STRN3: variants seen among roughly 807,000 people sequenced by gnomAD.
The protein encoded by STRN3 is striatin-3.
STRN3 carries 29 observed loss-of-function variants against 95.6 expected under a neutral mutation model. The observed-to-expected ratio is 0.30, with a 90% CI of 0.23 to 0.41. The LOEUF is 0.41. Ranked by LOEUF, STRN3 falls within the 10% of genes least tolerant of loss-of-function variation. STRN3 has a pLI of 1.00. For missense variants in STRN3, 890 were observed against 972.1 expected (o/e 0.92, Z 1.12); for synonymous variants, 331 against 357.6 (o/e 0.93, Z 0.84).
chr14:31,026,207 G>A lies in STRN3; in HGVS notation c.-22C>T, dbSNP rs187621345. On this transcript the variant is annotated 5_prime_UTR_variant, in exon 1 of 18. Coordinates refer to ENST00000357479, the MANE Select transcript of STRN3 (RefSeq NM_001083893.2). ...CCATTGTGTGTGGGGCCCCGGCCGG[G>A]GCGCAGGGCGAGACGCCGACAGCTG... is the stretch of plus-strand genomic sequence containing the variant. The A allele has an allele frequency of 7.2e-6, 10 of 1,394,594 alleles. No individual in the cohort carries two copies. The Admixed American group carries it at 3.6e-4, about 50-fold the overall frequency. The allele number at this position is 1,394,594 out of a possible 1,614,324, so 86.4% of individuals were successfully genotyped here. A position where few individuals can be genotyped will look rare whatever the true frequency, so the allele number is the denominator to read the frequency against.
chr14:30,995,986 C>A (rs565419020), intron 1 of STRN3, among the ~76,000 whole-genome samples: 1 of 152,296 alleles, frequency 6.6e-6, no homozygotes, highest in South Asian at 2.1e-4. Context: ...AGCCCTTACG[C>A]CCAACTTAGG....
chr14:30,972,100 A>G (rs1160333984), intron 1 of STRN3, among the ~76,000 whole-genome samples: 1 of 152,212 alleles, frequency 6.6e-6, no homozygotes, highest in African/African-American at 2.4e-5. Context: ...AGTATGTTCA[A>G]TTCTTTGCCT....
At chr14:31,004,178 G>A (rs559112567) in intron 1 of STRN3, among the ~76,000 whole-genome samples, 3 of 152,124 alleles carry the variant, frequency 2.0e-5, no homozygotes, top group South Asian at 2.1e-4. Context: ...CCAGCTACTC[G>A]GGAGGCTGAG....
chr14:30,938,267 A>T (rs1033614445), intron 5 of STRN3, among the ~76,000 whole-genome samples: 11 of 151,516 alleles, frequency 7.3e-5, no homozygotes, highest in Non-Finnish European at 1.5e-4. Flanking sequence ...TGAATGTAGG[A>T]GATGGTTTCT....
intron 8 of STRN3, among the ~76,000 whole-genome samples, chr14:30,921,069 T>C (rs71417931): frequency 0.024 from 2,926 of 119,842 alleles, 78 homozygotes; most frequent in South Asian, 0.089. Context: ...TACACATACA[T>C]ATACACACAC....
intron 2 of STRN3, 39 bp downstream of exon 2, chr14:30,956,097 ATTG>A (rs1879889801): frequency 6.5e-7 from 1 of 1,545,968 alleles, no homozygotes; most frequent in South Asian, 1.1e-5. Flanking sequence ...TGAGTATACT[ATTG>A]TTCTACTTTA....
intron 1 of STRN3, among the ~76,000 whole-genome samples, chr14:31,023,456 T>C (rs1210326462): frequency 6.6e-6 from 1 of 152,158 alleles, no homozygotes; most frequent in Non-Finnish European, 1.5e-5. Flanking sequence ...CCTTTTAATA[T>C]CTTTCCCAAA....
At chr14:30,915,975 T>C (rs1349370839) in intron 9 of STRN3, among the ~76,000 whole-genome samples, 1 of 152,214 alleles carries the variant, frequency 6.6e-6, no homozygotes, top group Non-Finnish European at 1.5e-5. Context: ...TTCTGTCCTT[T>C]TTCTCTATAT....
chr14:30,920,861 G>A (rs2139019493), intron 8 of STRN3, among the ~76,000 whole-genome samples: 1 of 152,174 alleles, frequency 6.6e-6, no homozygotes, highest in East Asian at 1.9e-4. Context: ...CTAAAATCAT[G>A]TACTTAACCT....
intron 14 of STRN3, among the ~76,000 whole-genome samples, chr14:30,906,001 G>T (rs1485848938): frequency 3.3e-5 from 5 of 152,170 alleles, no homozygotes; most frequent in Admixed American, 1.3e-4. Context: ...ATACAAGTCA[G>T]ATTTTTGGAC....
intron 3 of STRN3, among the ~76,000 whole-genome samples, chr14:30,955,259 A>C (rs1371817206): frequency 6.6e-6 from 1 of 152,210 alleles, no homozygotes; most frequent in Non-Finnish European, 1.5e-5. Flanking sequence ...TGCAAATTTT[A>C]TGTATGGTGT....
At chr14:31,014,650 TAG>T (rs1377298234) in intron 1 of STRN3, 8 of 448,384 alleles carry the variant, frequency 1.8e-5, no homozygotes, top group Non-Finnish European at 3.6e-5. Context: ...TGAAACCACT[TAG>T]GTGTAATGCT....
intron 1 of STRN3, among the ~76,000 whole-genome samples, chr14:31,003,796 TAAAA>T (rs35951887): frequency 7.8e-5 from 9 of 115,478 alleles, no homozygotes; most frequent in Non-Finnish European, 1.4e-4. Context: ...ACATCTTTCT[TAAAA>T]AAAAAAAAAA....
At chr14:31,007,247 AG>A (rs1882760544) in intron 1 of STRN3, among the ~76,000 whole-genome samples, 1 of 152,244 alleles carries the variant, frequency 6.6e-6, no homozygotes, top group African/African-American at 2.4e-5. Flanking sequence ...CTTGAGAACA[AG>A]TCTACATCAG....
intron 5 of STRN3, among the ~76,000 whole-genome samples, chr14:30,939,573 G>A (rs528874027): frequency 1.4e-4 from 22 of 152,196 alleles, no homozygotes; most frequent in African/African-American, 4.3e-4. Flanking sequence ...TTTTGCTGTT[G>A]CTGCTGTTGC....
Position 30,895,339 on chromosome 14 carries a change from C to CA in STRN3, c.*71_*72insT. ...TCACATGTAGTGTCATATCAGTAAC[C>CA]TTTCTGATGGCAGTGATGCAGACCC... On this transcript the variant is annotated 3_prime_UTR_variant, in exon 18 of 18. Transcript: ENST00000357479. 1 of 1,453,970 alleles carries CA rather than the reference C, an allele frequency of 6.9e-7. No homozygotes were observed. The highest frequency in any genetic ancestry group is 9.2e-7 in the Non-Finnish European group (1 of 1,088,992). The allele number at this position is 1,453,970 out of a possible 1,614,324, so 90.1% of individuals were successfully genotyped here. A position where few individuals can be genotyped will look rare whatever the true frequency, so the allele number is the denominator to read the frequency against.
intron 15 of STRN3, 56 bp downstream of exon 15, chr14:30,905,362 C>A: frequency 6.9e-7 from 1 of 1,451,356 alleles, no homozygotes; most frequent in South Asian, 1.6e-5. Flanking sequence ...AAAAGATCAC[C>A]CTCTATTGTG....
chr14:30,902,270 A>C (rs926876196), intron 16 of STRN3, among the ~76,000 whole-genome samples: 1 of 151,580 alleles, frequency 6.6e-6, no homozygotes, highest in Non-Finnish European at 1.5e-5. Context: ...ATAACAGAAT[A>C]TGAGGGAAAA....
In STRN3 at chr14:30,918,980, G is replaced by T. The variant is rs761206084; in HGVS notation, c.1226C>A (p.Ala409Glu). The change falls in exon 9 of 18, where the codon GCA (alanine) becomes GAA (glutamate). Residue 409 changes from alanine to glutamate, a missense_variant. Ala to Glu is a moderately radical substitution (Grantham distance 107). Coordinates refer to ENST00000357479, the MANE Select transcript of STRN3 (RefSeq NM_001083893.2). ...AAATTTTGTACCTTCCTCTGCTCTT[G>T]CACCTTCATGATCAGTCATTCTAGT... The part of the protein sequence containing the change: ...ASTRMTDHEG[A>E]RAEEAEPITF... 1.3e-6 allele frequency: 2 copies of T among 1,587,310 alleles called. No homozygotes were observed. The highest frequency in any genetic ancestry group is 4.6e-5 in the East Asian group (2 of 43,594).
Sources: gnomAD v4.1 joint callset for allele counts (sites outside exome capture counted in the v4.1 genomes callset) on GRCh38, gnomAD v4.1.1 for gene constraint, MANE v1.5 for transcripts, NCBI Gene and HGNC (gene_info 2026-07-23, HGNC 2026-07-21) for gene names.